ARLN: variants seen among roughly 807,000 people sequenced by gnomAD.
The protein encoded by ARLN is sarcoplasmic/endoplasmic reticulum calcium ATPase regulator ARLN.
At chr4:119,300,723 C>T in the ARLN span, 3,054 of 1,521,592 alleles carry the variant, frequency 2.0e-3, 5 homozygotes, top group Non-Finnish European at 2.5e-3. Context: ...TTTCCGCTGC[C>T]TCCGTGACCG....
chr4:119,296,832 T>C, the ARLN span: 1 of 152,142 alleles, frequency 6.6e-6, no homozygotes, highest in African/African-American at 2.4e-5. Flanking sequence ...CAAGATGACA[T>C]ATAAAATTAA....
the ARLN span, among the ~76,000 whole-genome samples, chr4:119,301,332 G>A: frequency 1.3e-5 from 2 of 151,912 alleles, no homozygotes. Context: ...GCTGAGGCAG[G>A]AGAATCGCTT....
At chr4:119,298,745 A>G in the ARLN span, 4 of 773,406 alleles carry the variant, frequency 5.2e-6, no homozygotes, top group South Asian at 5.6e-5. Context: ...TTCACTCAAG[A>G]ACCAACTTCT....
At chr4:119,304,165 C>T in the ARLN span, 1 of 981,362 alleles carries the variant, frequency 1.0e-6, no homozygotes, top group Non-Finnish European at 1.5e-6. Flanking sequence ...CCTTCAGGGC[C>T]CCACTTAAGT....
At chr4:119,304,339 AT>A in the ARLN span, 8 of 1,537,002 alleles carry the variant, frequency 5.2e-6, no homozygotes, top group Non-Finnish European at 7.0e-6. Flanking sequence ...AAGGCAGTGA[AT>A]GAAGTATTTG....
chr4:119,298,597 G>A, the ARLN span: 1 of 477,338 alleles, frequency 2.1e-6, no homozygotes, highest in South Asian at 4.5e-5. Context: ...AGGAATGGGT[G>A]AAATCCTACC....
chr4:119,303,113 T>A, the ARLN span, among the ~76,000 whole-genome samples: 6 of 152,194 alleles, frequency 3.9e-5, no homozygotes, highest in African/African-American at 1.4e-4. Context: ...TGTCTTTTCC[T>A]CCTTTTCAAG....
the ARLN span, chr4:119,298,379 T>C: frequency 0.22 from 34,147 of 157,420 alleles, 4,243 homozygotes; most frequent in South Asian, 0.33. Flanking sequence ...TTTGAATTCA[T>C]AAAAACCTTC....
At chr4:119,300,822 T>A in the ARLN span, 1 of 1,437,314 alleles carries the variant, frequency 7.0e-7, no homozygotes, top group Non-Finnish European at 9.1e-7. Context: ...TAGCTGGTTA[T>A]TCAGGTTTCG....
At chr4:119,301,019 A>G in the ARLN span, 8 of 438,770 alleles carry the variant, frequency 1.8e-5, no homozygotes, top group Middle Eastern at 6.1e-4. Context: ...TAATATTTAA[A>G]CACCACCAAT....
At chr4:119,296,561 G>A in the ARLN span, 1 of 152,184 alleles carries the variant, frequency 6.6e-6, no homozygotes, top group Non-Finnish European at 1.5e-5. Context: ...TGAGAACCAG[G>A]GGCCCTGGTC....
the ARLN span, chr4:119,300,245 ACT>A: frequency 8.6e-6 from 9 of 1,048,878 alleles, no homozygotes; most frequent in South Asian, 1.0e-4. Context: ...ACATATATAA[ACT>A]CTCTGGAATT....
chr4:119,299,098 CT>C, the ARLN span, among the ~76,000 whole-genome samples: 1 of 152,072 alleles, frequency 6.6e-6, no homozygotes, highest in Admixed American at 6.5e-5. Flanking sequence ...CCTGCCACCC[CT>C]TTTTTTGAGA....
At chr4:119,301,317 G>C in the ARLN span, among the ~76,000 whole-genome samples, 2 of 151,626 alleles carry the variant, frequency 1.3e-5, no homozygotes, top group Admixed American at 1.3e-4. Context: ...CCAGTTACTC[G>C]GGAGGCTGAG....
At chr4:119,300,646 G>T in the ARLN span, 1 of 1,571,904 alleles carries the variant, frequency 6.4e-7, no homozygotes, top group South Asian at 1.1e-5. Flanking sequence ...TGCGCAGTGC[G>T]CCGCGCCCCG....
the ARLN span, among the ~76,000 whole-genome samples, chr4:119,302,051 A>G: frequency 6.6e-6 from 1 of 152,378 alleles, no homozygotes; most frequent in East Asian, 1.9e-4. Flanking sequence ...CTTTACAAAA[A>G]TTAGGAAAGG....
the ARLN span, among the ~76,000 whole-genome samples, chr4:119,300,051 G>A: frequency 2.0e-4 from 30 of 151,924 alleles, no homozygotes; most frequent in Non-Finnish European, 4.1e-4. Flanking sequence ...TTCTCCGGTC[G>A]CTTCATGGTG....
At chr4:119,303,478 G>T in the ARLN span, among the ~76,000 whole-genome samples, 6 of 151,936 alleles carry the variant, frequency 3.9e-5, no homozygotes, top group Non-Finnish European at 7.4e-5. Flanking sequence ...CAGGTGATCC[G>T]CCCGCCTCGG....
At chr4:119,303,472 T>G in the ARLN span, among the ~76,000 whole-genome samples, 1 of 143,794 alleles carries the variant, frequency 7.0e-6, no homozygotes, top group African/African-American at 2.4e-5. Flanking sequence ...TGACCTCAGG[T>G]GATCCGCCCG....
Sources: allele counts gnomAD v4.1 joint callset (sites outside exome capture counted in the v4.1 genomes callset), GRCh38; gene constraint gnomAD v4.1.1; transcripts MANE v1.5; gene names NCBI Gene and HGNC (gene_info 2026-07-23, HGNC 2026-07-21).